DRC11: variants seen among roughly 807,000 people sequenced by gnomAD.
DRC11 encodes dynein regulatory complex subunit 11.
the DRC11 span, among the ~76,000 whole-genome samples, chr2:236,319,925 C>T: frequency 1.3e-5 from 2 of 152,156 alleles, no homozygotes; most frequent in African/African-American, 4.8e-5. The surrounding 1 kb of genome is among the most constrained non-coding windows in gnomAD (Gnocchi z 6.7). Context: ...ATGGATCTGG[C>T]CTTGCACATT....
At chr2:236,465,190 A>G in the DRC11 span, among the ~76,000 whole-genome samples, 13 of 152,110 alleles carry the variant, frequency 8.5e-5, no homozygotes, top group Non-Finnish European at 1.8e-4. The surrounding 1 kb of genome is among the most constrained non-coding windows in gnomAD (Gnocchi z 6.2). Flanking sequence ...GAGGCTGGCT[A>G]GATGCCAGAA....
At chr2:236,489,421 G>A in the DRC11 span, among the ~76,000 whole-genome samples, 5 of 151,204 alleles carry the variant, frequency 3.3e-5, no homozygotes, top group East Asian at 9.7e-4. Context: ...GGTGCATGCT[G>A]GGGCCTGTGT....
At chr2:236,453,917 C>T in the DRC11 span, among the ~76,000 whole-genome samples, 6 of 152,302 alleles carry the variant, frequency 3.9e-5, no homozygotes, top group Admixed American at 2.0e-4. This position sits in a 1 kb window ranked among gnomAD's most constrained non-coding sequence, Gnocchi z 4.9. Flanking sequence ...GCTGGGATTA[C>T]AGGCATGAGC....
the DRC11 span, chr2:236,333,058 A>T: frequency 6.6e-6 from 1 of 152,210 alleles, no homozygotes; most frequent in African/African-American, 2.4e-5. The surrounding 1 kb of genome is among the most constrained non-coding windows in gnomAD (Gnocchi z 6.0). Flanking sequence ...ACAGGCATAG[A>T]AGGATTGACT....
chr2:236,357,271 A>T, the DRC11 span, among the ~76,000 whole-genome samples: 10 of 92,216 alleles, frequency 1.1e-4, no homozygotes, highest in African/African-American at 2.4e-4. Context: ...TTATAAATAT[A>T]CATATATTAT....
chr2:236,491,173 AT>A, the DRC11 span, among the ~76,000 whole-genome samples: 27 of 64,374 alleles, frequency 4.2e-4, no homozygotes, highest in African/African-American at 1.8e-3. Context: ...ATATATATAT[AT>A]ATATATACAC....
chr2:236,459,913 A>G, the DRC11 span, among the ~76,000 whole-genome samples: 10 of 152,114 alleles, frequency 6.6e-5, no homozygotes, highest in Admixed American at 2.6e-4. Context: ...TATGACAACT[A>G]TAAGTGCTGA....
chr2:236,357,286 TTATATATTATATATTCATATAGATC>T, the DRC11 span, among the ~76,000 whole-genome samples: 2 of 111,372 alleles, frequency 1.8e-5, no homozygotes, highest in African/African-American at 7.4e-5. Context: ...TATTATATAT[TTATATATTATATATTCATATAGATC>T]TATATATTAT....
the DRC11 span, among the ~76,000 whole-genome samples, chr2:236,405,855 G>T: frequency 1.3e-5 from 2 of 152,202 alleles, no homozygotes; most frequent in African/African-American, 2.4e-5. The surrounding 1 kb of genome is among the most constrained non-coding windows in gnomAD (Gnocchi z 4.6). Context: ...TCCATGGTGG[G>T]ATGGGACAGG....
At chr2:236,338,284 G>A in the DRC11 span, 858 of 1,614,030 alleles carry the variant, frequency 5.3e-4, 5 homozygotes, top group East Asian at 0.015. Flanking sequence ...GTTCAGCATC[G>A]AAGGGACGCC....
the DRC11 span, chr2:236,391,177 C>T: frequency 1.3e-5 from 2 of 152,208 alleles, no homozygotes; most frequent in African/African-American, 4.8e-5. The surrounding 1 kb of genome is among the most constrained non-coding windows in gnomAD (Gnocchi z 4.5). Flanking sequence ...CAGTTGCCTT[C>T]AGGGTTAAAC....
the DRC11 span, chr2:236,377,305 T>C: frequency 1.7e-6 from 1 of 604,634 alleles, no homozygotes; most frequent in Non-Finnish European, 2.9e-6. The surrounding 1 kb of genome is among the most constrained non-coding windows in gnomAD (Gnocchi z 4.9). Context: ...CATTTGTTCA[T>C]ATGCAAATAA....
At chr2:236,366,013 G>C in the DRC11 span, among the ~76,000 whole-genome samples, 1 of 152,150 alleles carries the variant, frequency 6.6e-6, no homozygotes, top group Non-Finnish European at 1.5e-5. Flanking sequence ...AAGTGCCCCT[G>C]CATCTTGGAA....
At chr2:236,410,092 C>T in the DRC11 span, among the ~76,000 whole-genome samples, 8 of 151,400 alleles carry the variant, frequency 5.3e-5, no homozygotes, top group South Asian at 2.1e-4. Flanking sequence ...TGTCTCTGCC[C>T]GGCTTTGGTA....
the DRC11 span, among the ~76,000 whole-genome samples, chr2:236,353,987 T>C: frequency 6.6e-6 from 1 of 152,126 alleles, no homozygotes; most frequent in African/African-American, 2.4e-5. The surrounding 1 kb of genome is among the most constrained non-coding windows in gnomAD (Gnocchi z 5.0). Flanking sequence ...CTTGCGGAGG[T>C]TACTTCAAGT....
At chr2:236,355,271 T>G in the DRC11 span, among the ~76,000 whole-genome samples, 1 of 152,352 alleles carries the variant, frequency 6.6e-6, no homozygotes, top group East Asian at 1.9e-4. Context: ...ACATGGTCAG[T>G]GTGGCCCACT....
At chr2:236,355,785 A>C in the DRC11 span, among the ~76,000 whole-genome samples, 5 of 152,152 alleles carry the variant, frequency 3.3e-5, no homozygotes, top group East Asian at 7.7e-4. Flanking sequence ...AACCACAAAT[A>C]GCAGCAATGT....
At chr2:236,324,610 C>G in the DRC11 span, 1 of 826,390 alleles carries the variant, frequency 1.2e-6, no homozygotes, top group Non-Finnish European at 2.0e-6. This position sits in a 1 kb window ranked among gnomAD's most constrained non-coding sequence, Gnocchi z 5.7. Context: ...GAGTTGGGGT[C>G]CTCTCCATCC....
the DRC11 span, among the ~76,000 whole-genome samples, chr2:236,352,392 G>A: frequency 4.5e-4 from 68 of 152,228 alleles, no homozygotes; most frequent in East Asian, 0.012. This position sits in a 1 kb window ranked among gnomAD's most constrained non-coding sequence, Gnocchi z 7.0. Flanking sequence ...TGGGGATAGC[G>A]TGGGCTAGGG....
Sources: gnomAD v4.1 joint callset for allele counts (sites outside exome capture counted in the v4.1 genomes callset) on GRCh38, gnomAD v4.1.1 for gene constraint, Gnocchi (gnomAD v3.1) non-coding constraint, MANE v1.5 for transcripts, NCBI Gene and HGNC (gene_info 2026-07-23, HGNC 2026-07-21) for gene names.